The following CDH18 variants were observed in gnomAD, a reference collection of about 807,000 sequenced individuals.
The protein encoded by CDH18 is cadherin-18.
CDH18 carries 31 observed loss-of-function variants against 67.9 expected under a neutral mutation model. That is an observed-to-expected ratio of 0.46 (90% CI 0.34 to 0.62). The LOEUF (loss-of-function observed/expected upper bound fraction) is 0.62. Among genes scored for constraint, CDH18 ranks in the 20% least tolerant of loss-of-function variants. The pLI is 0.01. For missense variants in CDH18, 890 were observed against 975.5 expected, an observed-to-expected ratio of 0.91 and a Z score of 1.17; for synonymous variants, 362 against 347.2, an observed-to-expected ratio of 1.04 and a Z score of -0.48.
chr5:20,177,317 C>A (rs1737311642), intron 2 of CDH18, among the ~76,000 whole-genome samples: 1 of 152,044 alleles, frequency 6.6e-6, no homozygotes, highest in Non-Finnish European at 1.5e-5. Context: ...AAGATCTAAG[C>A]CTTATTATCA....
intron 2 of CDH18, among the ~76,000 whole-genome samples, chr5:20,098,061 GAATAT>G (rs1289110323): frequency 6.6e-6 from 1 of 151,706 alleles, no homozygotes; most frequent in African/African-American, 2.4e-5. Flanking sequence ...AAAGAAAATA[GAATAT>G]ATTTTCAATT....
chr5:19,499,953 T>C (rs1742970152), intron 11 of CDH18, among the ~76,000 whole-genome samples: 1 of 152,196 alleles, frequency 6.6e-6, no homozygotes, highest in Non-Finnish European at 1.5e-5. Context: ...ATACAGACTT[T>C]CATGTGAGAA....
intron 5 of CDH18, among the ~76,000 whole-genome samples, chr5:19,644,584 G>C (rs1206237185): frequency 6.6e-6 from 1 of 152,114 alleles, no homozygotes; most frequent in African/African-American, 2.4e-5. Flanking sequence ...GTGGGTCATA[G>C]CTAGAAAGAA....
chr5:20,331,151 A>G (rs1739133717), intron 1 of CDH18, among the ~76,000 whole-genome samples: 1 of 152,220 alleles, frequency 6.6e-6, no homozygotes. Context: ...TGATAGATCT[A>G]TGTTTTCTTT....
chr5:19,625,821 T>C (rs781018184), intron 5 of CDH18, among the ~76,000 whole-genome samples: 12 of 151,684 alleles, frequency 7.9e-5, no homozygotes, highest in Non-Finnish European at 1.2e-4. Flanking sequence ...AGGAGAAGCC[T>C]GGCCCCTCCT....
At chr5:20,170,828 CT>C (rs931034081) in intron 2 of CDH18, among the ~76,000 whole-genome samples, 2 of 151,058 alleles carry the variant, frequency 1.3e-5, no homozygotes, top group South Asian at 2.1e-4. Flanking sequence ...ACCCAAAAGT[CT>C]TTTTTTTTCT....
At chr5:19,607,727 G>A (rs78692780) in intron 6 of CDH18, among the ~76,000 whole-genome samples, 6,161 of 150,924 alleles carry the variant, frequency 0.041, 417 homozygotes, top group African/African-American at 0.14. Flanking sequence ...TTAGCTAAGT[G>A]GTCACAAGAA....
intron 1 of CDH18, among the ~76,000 whole-genome samples, chr5:20,437,967 C>A (rs565228757): frequency 1.3e-5 from 2 of 151,290 alleles, no homozygotes; most frequent in Admixed American, 1.3e-4. Flanking sequence ...GAATAAAAGG[C>A]AAATACAGAT....
At chr5:19,518,378 TTGAG>T (rs1242306854) in intron 10 of CDH18, among the ~76,000 whole-genome samples, 1 of 152,250 alleles carries the variant, frequency 6.6e-6, no homozygotes, top group South Asian at 2.1e-4. Flanking sequence ...ATGGTTAATA[TTGAG>T]TGTCAACTTG....
chr5:19,822,438 C>A (rs1261444454), intron 3 of CDH18, among the ~76,000 whole-genome samples: 1 of 152,146 alleles, frequency 6.6e-6, no homozygotes, highest in Non-Finnish European at 1.5e-5. Flanking sequence ...GCAAAACTCA[C>A]CCCCGATATT....
intron 1 of CDH18, among the ~76,000 whole-genome samples, chr5:20,286,886 T>C (rs1192972667): frequency 6.6e-6 from 1 of 151,830 alleles, no homozygotes; most frequent in Non-Finnish European, 1.5e-5. Context: ...GTCATTCACC[T>C]GCATCACAAA....
chr5:19,637,107 T>C (rs750468204), intron 5 of CDH18, among the ~76,000 whole-genome samples: 1 of 152,138 alleles, frequency 6.6e-6, no homozygotes, highest in Non-Finnish European at 1.5e-5. Context: ...GGTAGATTTC[T>C]GTTTTTTTGT....
chr5:20,330,578 A>G lies in CDH18; in HGVS notation c.-579-75073T>C, dbSNP rs554683926. Among the ~76,000 whole-genome samples the G allele has an allele frequency of 1.0e-3, 155 of 152,292 alleles. 2 individuals are homozygous for G. Among genetic ancestry groups the G allele is most frequent in the African/African-American group, 3.7e-3 (153 of 41,560 alleles). On this transcript the variant is annotated intron_variant, in intron 1 of 14. Transcript: ENST00000507958. ...AAAAATGGCAGAGTTTAACTGGTAT[A>G]TGACCTTCTAGCAACATTTGATTGG...
intron 1 of CDH18, among the ~76,000 whole-genome samples, chr5:20,416,822 G>C (rs2150152379): frequency 6.6e-6 from 1 of 152,106 alleles, no homozygotes; most frequent in East Asian, 1.9e-4. Flanking sequence ...ATAATTTGGA[G>C]ATATGCCCTG....
At chr5:19,718,577 C>A (rs1765624705) in intron 5 of CDH18, among the ~76,000 whole-genome samples, 1 of 151,884 alleles carries the variant, frequency 6.6e-6, no homozygotes, top group Non-Finnish European at 1.5e-5. Flanking sequence ...GACTAATGAA[C>A]ATTTTATTTT....
chr5:19,741,516 T>C (rs954901648), intron 4 of CDH18, among the ~76,000 whole-genome samples: 4 of 151,988 alleles, frequency 2.6e-5, no homozygotes, highest in African/African-American at 9.7e-5. Context: ...GCAAATAACT[T>C]CATTTTATTC....
intron 2 of CDH18, among the ~76,000 whole-genome samples, chr5:20,237,722 A>G (rs1008672213): frequency 6.6e-6 from 1 of 152,018 alleles, no homozygotes; most frequent in African/African-American, 2.4e-5. Flanking sequence ...CGTTTAAGAT[A>G]TCAATTTTTC....
At chr5:20,059,264 T>A (rs554634789) in intron 2 of CDH18, among the ~76,000 whole-genome samples, 2 of 152,250 alleles carry the variant, frequency 1.3e-5, no homozygotes, top group South Asian at 4.2e-4. Context: ...ATTTTGTTAA[T>A]CTTTTTAAAA....
chr5:19,579,372 C>T lies in CDH18; in HGVS notation c.1000-7540G>A, dbSNP rs538672338. 1.1e-3 allele frequency among the ~76,000 whole-genome samples: 171 copies of T among 151,634 alleles called. 2 individuals carry two copies. Among genetic ancestry groups the T allele is most frequent in the African/African-American group, 4.1e-3 (168 of 41,468 alleles). On this transcript the variant is annotated intron_variant, in intron 7 of 12. Transcript: ENST00000382275. ...GTGCTGAAATCATATCTCTTACTTTCCTTTTTATGTATGTGGATTTTTATT... is the reference window on the plus strand; with the variant it reads ...GTGCTGAAATCATATCTCTTACTTTTCTTTTTATGTATGTGGATTTTTATT...
Sources: allele counts gnomAD v4.1 joint callset (sites outside exome capture counted in the v4.1 genomes callset), GRCh38; gene constraint gnomAD v4.1.1; transcripts MANE v1.5; gene names NCBI Gene and HGNC (gene_info 2026-07-23, HGNC 2026-07-21).